Variants in ANKRD30BL observed in about 807,000 individuals in gnomAD.
ANKRD30BL encodes ankyrin repeat domain 30B like.
A neutral mutation model predicts 18.4 loss-of-function variants in ANKRD30BL; 20 were observed. The ratio of observed to expected loss-of-function variants is 1.09; its 90% CI spans 0.77 to 1.58. ANKRD30BL has a LOEUF of 1.58. Among genes scored for constraint, ANKRD30BL ranks in the 40% most tolerant of loss-of-function variants. The probability of loss-of-function intolerance (pLI) is 0.00; values close to 1 mark genes in which losing one functional copy is unlikely to be tolerated. For missense variants in ANKRD30BL, 224 were observed against 268.6 expected (o/e 0.83, Z 1.16); for synonymous variants, 72 against 100.9 (o/e 0.71, Z 1.72).
intron 1 of ANKRD30BL, among the ~76,000 whole-genome samples, chr2:132,172,985 C>T (rs1272700120): frequency 6.6e-6 from 1 of 151,874 alleles, no homozygotes; most frequent in African/African-American, 2.4e-5. Flanking sequence ...GGATTACAGG[C>T]GTGAGCCACC....
intron 1 of ANKRD30BL, among the ~76,000 whole-genome samples, chr2:132,225,983 G>C (rs1679833923): frequency 6.6e-6 from 1 of 152,056 alleles, no homozygotes; most frequent in Non-Finnish European, 1.5e-5. Flanking sequence ...GGAGCCCTTT[G>C]AGGCCTATGT....
upstream of ANKRD30BL, chr2:132,161,989 A>T (rs1289265735): frequency 1.9e-5 from 6 of 320,204 alleles, no homozygotes; most frequent in East Asian, 4.0e-4. Flanking sequence ...GACCTGGGAG[A>T]CACGCGAGGC....
At chr2:132,193,066 G>T (rs913763896) in intron 1 of ANKRD30BL, among the ~76,000 whole-genome samples, 1 of 152,266 alleles carries the variant, frequency 6.6e-6, no homozygotes, top group Non-Finnish European at 1.5e-5. Context: ...TGTATTGCAC[G>T]TTAACACTCA....
chr2:132,171,574 T>G (rs1394919846), intron 1 of ANKRD30BL, among the ~76,000 whole-genome samples: 3 of 152,240 alleles, frequency 2.0e-5, no homozygotes, highest in Non-Finnish European at 2.9e-5. Flanking sequence ...ACTGTAAACA[T>G]TTTTGTGAAT....
intron 1 of ANKRD30BL, among the ~76,000 whole-genome samples, chr2:132,247,666 C>G (rs908146222): frequency 1.3e-4 from 20 of 151,896 alleles, no homozygotes; most frequent in Admixed American, 1.3e-3. Context: ...TTCCAATCTG[C>G]TAAATCAAAA....
At position 132,148,036 on chromosome 2, in the gene ANKRD30BL, T is replaced by C; in HGVS notation, c.*95A>G. The stretch of plus-strand genomic sequence containing the variant: ...ACATACTGACATATTTGTTCTTTGA[T>C]GAGGAACTCAGAACTCATTGTACTT... On this transcript the variant is annotated 3_prime_UTR_variant, in exon 6 of 6. Coordinates refer to ENST00000409867, the MANE Select transcript of ANKRD30BL (RefSeq NM_001358416.1). 1.1e-6 allele frequency: 1 copy of C among 894,118 alleles called. No homozygotes were observed. The highest frequency in any genetic ancestry group is 2.2e-5 in the Admixed American group (1 of 46,098). The allele number at this position is 894,118 out of a possible 1,614,324, so 55.4% of individuals were successfully genotyped here. A position where few individuals can be genotyped will look rare whatever the true frequency, so the allele number is the denominator to read the frequency against.
intron 1 of ANKRD30BL, among the ~76,000 whole-genome samples, chr2:132,244,246 C>A (rs1311982836): frequency 6.6e-6 from 1 of 152,292 alleles, no homozygotes; most frequent in African/African-American, 2.4e-5. Context: ...AAGGGAATAT[C>A]TTCACATAAA....
chr2:132,214,263 C>A (rs1160586404), intron 1 of ANKRD30BL, among the ~76,000 whole-genome samples: 1 of 143,134 alleles, frequency 7.0e-6, no homozygotes, highest in African/African-American at 2.6e-5. Context: ...TTGAAACACT[C>A]TTTTTGTAGA....
intron 1 of ANKRD30BL, among the ~76,000 whole-genome samples, chr2:132,191,934 CG>C (rs1678860363): frequency 1.3e-5 from 2 of 151,718 alleles, no homozygotes; most frequent in Non-Finnish European, 2.9e-5. Flanking sequence ...TTAGTAGAGA[CG>C]GGGTTTCACC....
upstream of ANKRD30BL, among the ~76,000 whole-genome samples, chr2:132,162,457 G>C (rs1688100968): frequency 6.6e-6 from 1 of 152,048 alleles, no homozygotes; most frequent in South Asian, 2.1e-4. Flanking sequence ...GCTCTTCCTC[G>C]GCTCGCGCTG....
At chr2:132,203,997 T>C (rs545534924) in intron 1 of ANKRD30BL, among the ~76,000 whole-genome samples, 4 of 152,344 alleles carry the variant, frequency 2.6e-5, no homozygotes, top group East Asian at 1.9e-4. Flanking sequence ...GTATTCATTG[T>C]TTTCAAATGA....
At chr2:132,167,823 T>G (rs1442187654) in intron 1 of ANKRD30BL, among the ~76,000 whole-genome samples, 1 of 152,226 alleles carries the variant, frequency 6.6e-6, no homozygotes, top group Admixed American at 6.5e-5. Context: ...AAATTGTTAC[T>G]TCACACGTAG....
At chr2:132,150,136 G>A (rs1362801755) in intron 5 of ANKRD30BL, among the ~76,000 whole-genome samples, 1 of 151,956 alleles carries the variant, frequency 6.6e-6, no homozygotes, top group Non-Finnish European at 1.5e-5. Context: ...CTAATTTTCT[G>A]AATGCAAATC....
intron 1 of ANKRD30BL, among the ~76,000 whole-genome samples, chr2:132,233,022 G>T (rs1428793320): frequency 6.6e-6 from 1 of 151,988 alleles, no homozygotes; most frequent in Admixed American, 6.6e-5. Flanking sequence ...GAGAGTGGGG[G>T]CCGATATTCA....
intron 1 of ANKRD30BL, among the ~76,000 whole-genome samples, chr2:132,200,103 C>A (rs1322502362): frequency 6.6e-6 from 1 of 152,032 alleles, no homozygotes; most frequent in Non-Finnish European, 1.5e-5. Context: ...ACCCTTCATG[C>A]TAAAAACTCT....
intron 1 of ANKRD30BL, among the ~76,000 whole-genome samples, chr2:132,252,123 A>AT (rs112219459): frequency 1.8e-4 from 28 of 151,664 alleles, no homozygotes; most frequent in African/African-American, 3.9e-4. Context: ...TTAAAACTGT[A>AT]TTTTTTTTTA....
chr2:132,225,117 C>A (rs796232016), intron 1 of ANKRD30BL, among the ~76,000 whole-genome samples: 2 of 150,072 alleles, frequency 1.3e-5, no homozygotes, highest in African/African-American at 2.5e-5. Context: ...GATATTTGGA[C>A]CGCTTTGAGG....
At chr2:132,189,893 AATAAAT>A (rs900893160) in intron 1 of ANKRD30BL, among the ~76,000 whole-genome samples, 6 of 151,812 alleles carry the variant, frequency 4.0e-5, no homozygotes, top group African/African-American at 1.2e-4. Context: ...GAGAAAAAAA[AATAAAT>A]TAATTGTATT....
At chr2:132,248,978 T>C (rs1411382605) in intron 1 of ANKRD30BL, among the ~76,000 whole-genome samples, 4 of 152,164 alleles carry the variant, frequency 2.6e-5, no homozygotes, top group Admixed American at 6.6e-5. Context: ...ACCATAGGCC[T>C]CAAACTGCTC....
Sources: gnomAD v4.1 joint callset for allele counts (sites outside exome capture counted in the v4.1 genomes callset) on GRCh38, gnomAD v4.1.1 for gene constraint, MANE v1.5 for transcripts, NCBI Gene and HGNC (gene_info 2026-07-23, HGNC 2026-07-21) for gene names.